The following NFIA variants were observed in gnomAD, a reference collection of about 807,000 sequenced individuals.
NFIA encodes the protein nuclear factor 1 A-type.
A neutral mutation model predicts 62.8 loss-of-function variants in NFIA; 8 were observed. The ratio of observed to expected loss-of-function variants is 0.13; its 90% confidence interval spans 0.07 to 0.23. The LOEUF is 0.23. Among genes scored for constraint, NFIA ranks in the 10% least tolerant of loss-of-function variants. NFIA has a pLI of 1.00. For missense variants in NFIA, 410 were observed against 642.1 expected (o/e 0.64, Z 3.91); for synonymous variants, 235 against 238.1 (o/e 0.99, Z 0.12).
At chr1:61,206,860 A>G (rs764718305) in intron 2 of NFIA, among the ~76,000 whole-genome samples, 5 of 152,164 alleles carry the variant, frequency 3.3e-5, no homozygotes, top group Admixed American at 6.6e-5. Flanking sequence ...TCACATTCAA[A>G]CACACCATTG....
intron 4 of NFIA, among the ~76,000 whole-genome samples, chr1:61,334,783 T>G (rs1661513107): frequency 1.3e-5 from 2 of 151,774 alleles, no homozygotes; most frequent in Admixed American, 1.3e-4. Context: ...CATTTAGTCC[T>G]CATTACCATC....
chr1:61,100,810 G>T (rs1332892985), intron 2 of NFIA, among the ~76,000 whole-genome samples: 1 of 151,990 alleles, frequency 6.6e-6, no homozygotes, highest in African/African-American at 2.4e-5. Flanking sequence ...GCCCAGGCTG[G>T]TCACTGAACT....
intron 3 of NFIA, among the ~76,000 whole-genome samples, chr1:61,310,660 T>C (rs1175204480): frequency 6.6e-6 from 1 of 152,142 alleles, no homozygotes; most frequent in Non-Finnish European, 1.5e-5. Context: ...AAGTCCCAGC[T>C]CCAGCCATCA....
intron 2 of NFIA, among the ~76,000 whole-genome samples, chr1:61,242,982 T>C (rs900824372): frequency 1.3e-5 from 2 of 152,082 alleles, no homozygotes; most frequent in African/African-American, 4.8e-5. Flanking sequence ...TCACAAGGGG[T>C]AGTCAAGAAA....
chr1:61,302,477 C>G (rs1659543931), intron 3 of NFIA, among the ~76,000 whole-genome samples: 1 of 152,048 alleles, frequency 6.6e-6, no homozygotes, highest in Non-Finnish European at 1.5e-5. Flanking sequence ...TTCTAAGAAT[C>G]TCAGTTTTTG....
In NFIA at chr1:61,252,553, G is replaced by A. The variant is rs748943695; in HGVS notation, c.560-24967G>A. ...TAACTACAGAAGATGAGAGAAGGTT[G>A]TAAAAATAAGAGTTTTGTTAGATTA... On this transcript the variant is annotated intron_variant, in intron 2 of 10. Coordinates refer to ENST00000403491, the MANE Select transcript of NFIA (RefSeq NM_001134673.4). Among the ~76,000 whole-genome samples the A allele has an allele frequency of 3.3e-5, 5 of 152,208 alleles. No homozygotes were observed. The South Asian group carries it at 1.0e-3, about 32-fold the overall frequency.
At chr1:61,140,305 A>G (rs1252483861) in intron 2 of NFIA, among the ~76,000 whole-genome samples, 1 of 124,200 alleles carries the variant, frequency 8.1e-6, no homozygotes, top group African/African-American at 3.1e-5. Flanking sequence ...AAAAACCGAA[A>G]TTGTTTACTG....
intron 6 of NFIA, among the ~76,000 whole-genome samples, chr1:61,375,562 A>G (rs1664110478): frequency 6.6e-6 from 1 of 152,126 alleles, no homozygotes; most frequent in Non-Finnish European, 1.5e-5. Context: ...AGAAGTAGGG[A>G]TCTTGGTAGC....
In NFIA at chr1:61,352,274, G is replaced by A. The variant is rs34094870; in HGVS notation, c.701-176G>A. 0.11 allele frequency among the ~76,000 whole-genome samples: 16,202 copies of A among 152,218 alleles called. 987 individuals are homozygous for A. Among genetic ancestry groups the A allele is most frequent in the Middle Eastern group, 0.17 (51 of 294 alleles). On this transcript the variant is annotated intron_variant, in intron 4 of 10. Coordinates refer to ENST00000403491, the MANE Select transcript of NFIA (RefSeq NM_001134673.4). ...ATATTAGAAAAAATATGCCTTTCCT[G>A]TATAGACTATTTTTAGTCAATATTC...
intron 2 of NFIA, among the ~76,000 whole-genome samples, chr1:61,113,835 G>A (rs1262187445): frequency 1.3e-5 from 2 of 152,124 alleles, no homozygotes; most frequent in Non-Finnish European, 2.9e-5. Context: ...AGAGCAGGTC[G>A]GTTGGCGAGT....
chr1:61,167,892 C>G (rs1649691465), intron 2 of NFIA, among the ~76,000 whole-genome samples: 1 of 152,070 alleles, frequency 6.6e-6, no homozygotes, highest in South Asian at 2.1e-4. Flanking sequence ...TAGCTCAAAT[C>G]CTGAAGGTTA....
At chr1:61,317,260 A>T (rs1660414663) in intron 3 of NFIA, among the ~76,000 whole-genome samples, 1 of 152,124 alleles carries the variant, frequency 6.6e-6, no homozygotes, top group Non-Finnish European at 1.5e-5. Context: ...ATAAAACTTG[A>T]TCTCCTGCAA....
At chr1:61,091,258 T>G (rs529698853) in intron 2 of NFIA, among the ~76,000 whole-genome samples, 61 of 152,360 alleles carry the variant, frequency 4.0e-4, no homozygotes, top group Admixed American at 8.5e-4. Flanking sequence ...TAATAATTCT[T>G]GCTTTATGTG....
chr1:61,111,434 A>G (rs754178544), intron 2 of NFIA, among the ~76,000 whole-genome samples: 3 of 152,170 alleles, frequency 2.0e-5, no homozygotes, highest in Non-Finnish European at 4.4e-5. Flanking sequence ...AAATCTGCTT[A>G]TACTTTGCTA....
intron 2 of NFIA, among the ~76,000 whole-genome samples, chr1:61,141,481 T>A (rs2100506624): frequency 6.6e-6 from 1 of 152,298 alleles, no homozygotes; most frequent in East Asian, 1.9e-4. Flanking sequence ...TTATCTCCAA[T>A]AACTCGATTG....
chr1:61,204,690 G>C (rs1233626611), intron 2 of NFIA, among the ~76,000 whole-genome samples: 2 of 152,092 alleles, frequency 1.3e-5, no homozygotes, highest in African/African-American at 4.8e-5. Flanking sequence ...GGTTGATGTG[G>C]TTACTGAAGA....
intron 8 of NFIA, 39 bp downstream of exon 8, chr1:61,404,321 T>TGGGGCAACAAGATCAGATG: frequency 6.5e-7 from 1 of 1,537,630 alleles, no homozygotes; most frequent in Non-Finnish European, 8.8e-7. Flanking sequence ...TTAGAAATGT[T>TGGGGCAACAAGATCAGATG]AGCCGAATAT....
At chr1:61,376,517 G>A (rs1458769183) in intron 6 of NFIA, among the ~76,000 whole-genome samples, 3 of 152,148 alleles carry the variant, frequency 2.0e-5, no homozygotes, top group Non-Finnish European at 4.4e-5. Context: ...TTCATTCAGT[G>A]TGTGTTTGAT....
intron 6 of NFIA, among the ~76,000 whole-genome samples, chr1:61,366,479 C>T (rs1663594634): frequency 2.0e-5 from 3 of 152,150 alleles, no homozygotes; most frequent in Admixed American, 6.6e-5. Context: ...ACAGTTACAT[C>T]CACCAACATG....
Sources: allele counts gnomAD v4.1 joint callset (sites outside exome capture counted in the v4.1 genomes callset), GRCh38; gene constraint gnomAD v4.1.1; transcripts MANE v1.5; gene names NCBI Gene and HGNC (gene_info 2026-07-23, HGNC 2026-07-21).